The following PCDHA9 variants were observed in gnomAD, a reference collection of about 807,000 sequenced individuals.
PCDHA9 encodes protocadherin alpha 9.
PCDHA9 carries 62 observed loss-of-function variants against 62.0 expected under a neutral mutation model. The observed-to-expected ratio is 1.00, with a 90% CI of 0.81 to 1.23. The LOEUF is 1.23. PCDHA9 is among the 50% of genes most tolerant of loss of function. PCDHA9 has a pLI of 0.00. For synonymous variants in PCDHA9, 557 were observed against 567.6 expected (o/e 0.98, Z 0.27); for missense variants, 1,205 against 1,249.8 (o/e 0.96, Z 0.54).
At position 140,850,907 on chromosome 5, in the gene PCDHA9, T is replaced by A. The variant is rs2150501889; in HGVS notation, c.2394+18T>A. On this transcript the variant is annotated intron_variant, in intron 1 of 3. Transcript: ENST00000532602. Reference sequence around the variant, plus strand: ...CTGGGAAGGTGGGTTTTTCTAGCATTTTATTTATTTATATAATTTTTTTTC... The same window carrying A: ...CTGGGAAGGTGGGTTTTTCTAGCATATTATTTATTTATATAATTTTTTTTC... The A allele has an allele frequency of 6.5e-7, 1 of 1,548,270 alleles. No individual in the cohort carries two copies. Among genetic ancestry groups the A allele is most frequent in the East Asian group, 2.3e-5 (1 of 43,950 alleles).
At chr5:140,871,789 AAAT>A (rs2053309848) in intron 1 of PCDHA9, among the ~76,000 whole-genome samples, 1 of 152,254 alleles carries the variant, frequency 6.6e-6, no homozygotes, top group Non-Finnish European at 1.5e-5. Context: ...ACTTGAGTAG[AAAT>A]AATTACTATT....
intron 1 of PCDHA9, among the ~76,000 whole-genome samples, chr5:140,973,418 T>G (rs1235123458): frequency 6.6e-6 from 1 of 152,212 alleles, no homozygotes; most frequent in East Asian, 1.9e-4. Flanking sequence ...CCACTCCAGT[T>G]TTTCATCCTC....
chr5:140,881,383 G>T (rs2058695337), intron 1 of PCDHA9: 1 of 984,212 alleles, frequency 1.0e-6, no homozygotes, highest in Non-Finnish European at 1.2e-6. Context: ...AGCCGGCGGC[G>T]GTAAGTTAAA....
chr5:140,861,885 C>G (rs2047123718), intron 1 of PCDHA9: 1 of 155,106 alleles, frequency 6.4e-6, no homozygotes, highest in Non-Finnish European at 1.4e-5. Flanking sequence ...GCTGAGCTGA[C>G]AGGCACCAAA....
At chr5:140,993,345 C>T (rs557836440) in intron 3 of PCDHA9, among the ~76,000 whole-genome samples, 25 of 152,064 alleles carry the variant, frequency 1.6e-4, no homozygotes, top group African/African-American at 4.3e-4. Context: ...AAGGGCACTA[C>T]GAAGATCCTC....
chr5:140,867,344 C>G (rs2049899948), intron 1 of PCDHA9: 1 of 152,034 alleles, frequency 6.6e-6, no homozygotes, highest in South Asian at 2.1e-4. Flanking sequence ...TTAGAGGCTA[C>G]TATGATTGAT....
At chr5:140,877,771 AC>A in intron 1 of PCDHA9, 2 of 1,614,178 alleles carry the variant, frequency 1.2e-6, no homozygotes, top group South Asian at 2.2e-5. Flanking sequence ...CCCGCCCAAG[AC>A]GGACCTCATG....
intron 1 of PCDHA9, among the ~76,000 whole-genome samples, chr5:140,960,837 G>A (rs1554225051): frequency 6.6e-6 from 1 of 151,456 alleles, no homozygotes; most frequent in African/African-American, 2.5e-5. Flanking sequence ...ACTTGGAACA[G>A]GTTTAATGGC....
In PCDHA9 at chr5:140,870,873, G is replaced by A. The variant is rs782065354; in HGVS notation, c.2394+19984G>A. 5 of 1,613,840 alleles carry A rather than the reference G, an allele frequency of 3.1e-6. No individual in the cohort carries two copies. The Admixed American group carries it at 5.0e-5, about 16-fold the overall frequency. On this transcript the variant is annotated intron_variant, in intron 1 of 3. Transcript: ENST00000532602. ...GGTCGGTGGGTGCGGGCCACGTGGTGGCGAAGGTGCGCGCAGTGGATGCGG... is the reference window on the plus strand; with the variant it reads ...GGTCGGTGGGTGCGGGCCACGTGGTAGCGAAGGTGCGCGCAGTGGATGCGG...
rs1436927101 is a variant in PCDHA9 at position 140,886,292 on chromosome 5, T to A, written c.2394+35403T>A. Reference sequence around the variant, plus strand: ...AAATTTTTTAAAATTATTTTTATATTTATTTATTTTTTATTACACTTTAAG... The same window carrying A: ...AAATTTTTTAAAATTATTTTTATATATATTTATTTTTTATTACACTTTAAG... On this transcript the variant is annotated intron_variant, in intron 1 of 3. Coordinates refer to ENST00000532602, the MANE Select transcript of PCDHA9 (RefSeq NM_031857.2). 5.3e-5 allele frequency among the ~76,000 whole-genome samples: 8 copies of A among 152,090 alleles called. No homozygotes were observed. In the East Asian group the frequency reaches 1.3e-3, roughly 26 times the overall value.
chr5:140,893,040 C>A (rs1554185508), intron 1 of PCDHA9, among the ~76,000 whole-genome samples: 1 of 152,226 alleles, frequency 6.6e-6, no homozygotes, highest in African/African-American at 2.4e-5. Flanking sequence ...AACATATGCC[C>A]TCCAGGCTCA....
intron 1 of PCDHA9, chr5:140,862,693 T>C (rs2047494827): frequency 1.8e-6 from 1 of 555,404 alleles, no homozygotes; most frequent in African/African-American, 1.9e-5. Flanking sequence ...GTCCTACTCG[T>C]TGATGGAACA....
chr5:140,889,108 T>C (rs553126619), intron 1 of PCDHA9, among the ~76,000 whole-genome samples: 3 of 151,936 alleles, frequency 2.0e-5, no homozygotes, highest in Admixed American at 1.3e-4. Context: ...TCATCTTTAT[T>C]CCAGGTGATA....
chr5:140,923,951 G>A (rs763582377), intron 1 of PCDHA9, among the ~76,000 whole-genome samples: 4 of 151,984 alleles, frequency 2.6e-5, no homozygotes, highest in Non-Finnish European at 2.9e-5. Context: ...TTTTCCTCAC[G>A]CCCTAATCTA....
chr5:140,952,903 C>T (rs896493880), intron 1 of PCDHA9, among the ~76,000 whole-genome samples: 4 of 152,092 alleles, frequency 2.6e-5, no homozygotes, highest in African/African-American at 7.2e-5. Flanking sequence ...GGGAATCAAG[C>T]TCATCTTACA....
intron 1 of PCDHA9, among the ~76,000 whole-genome samples, chr5:140,892,282 ACTT>A (rs1405766060): frequency 1.3e-5 from 2 of 152,178 alleles, no homozygotes; most frequent in African/African-American, 4.8e-5. Flanking sequence ...TGTATTAAAC[ACTT>A]CTTCCTGGAA....
chr5:140,933,300 A>G (rs541308392), intron 1 of PCDHA9, among the ~76,000 whole-genome samples: 41 of 152,132 alleles, frequency 2.7e-4, no homozygotes, highest in African/African-American at 9.4e-4. Context: ...ATCTGGAAAT[A>G]AATATGCAAT....
At chr5:140,864,124 T>C (rs528215401) in intron 1 of PCDHA9, 4 of 152,368 alleles carry the variant, frequency 2.6e-5, no homozygotes, top group South Asian at 2.1e-4. Flanking sequence ...TGAATTAGAC[T>C]GAGTGGCTGT....
chr5:141,009,650 C>G lies in PCDHA9; in HGVS notation c.2566C>G (p.Pro856Ala). Residue 856 changes from proline to alanine, a missense_variant, in exon 4 of 4, where the codon CCT becomes GCT. Transcript: ENST00000532602. The part of the protein sequence containing the change: ...TPEPEAGEVS[P>A]PVGAGVNSNS... ...AGAACCAGAGGCAGGAGAAGTGTCCCCTCCAGTCGGTGCGGGTGTCAACAG... is the reference window on the plus strand; with the variant it reads ...AGAACCAGAGGCAGGAGAAGTGTCCGCTCCAGTCGGTGCGGGTGTCAACAG... 1 of 1,613,886 alleles carries G rather than the reference C, an allele frequency of 6.2e-7. No individual in the cohort carries two copies. Among genetic ancestry groups the G allele is most frequent in the Non-Finnish European group, 8.5e-7 (1 of 1,179,918 alleles).
Sources: gnomAD v4.1 joint callset for allele counts (sites outside exome capture counted in the v4.1 genomes callset) on GRCh38, gnomAD v4.1.1 for gene constraint, MANE v1.5 for transcripts, NCBI Gene and HGNC (gene_info 2026-07-23, HGNC 2026-07-21) for gene names.